Variants in PTPRN2 observed in about 807,000 individuals in gnomAD.
The protein encoded by PTPRN2 is protein tyrosine phosphatase receptor type N2, also known as receptor-type tyrosine-protein phosphatase N2.
Under a neutral mutation model 118.8 loss-of-function variants are expected in PTPRN2, and 74 were observed. That is an observed-to-expected ratio of 0.62 (90% CI 0.52 to 0.76). The LOEUF is 0.76. Ranked by LOEUF, PTPRN2 falls within the 30% of genes least tolerant of loss-of-function variation. The pLI is 0.00. For missense variants in PTPRN2, 1,481 were observed against 1,394.4 expected, an observed-to-expected ratio of 1.06 and a Z score of -0.99; for synonymous variants, 641 against 608.0, an observed-to-expected ratio of 1.05 and a Z score of -0.80.
At chr7:158,154,230 G>A (rs763734760) in intron 6 of PTPRN2, among the ~76,000 whole-genome samples, 4 of 152,148 alleles carry the variant, frequency 2.6e-5, no homozygotes, top group South Asian at 2.1e-4. Context: ...CAGCCAAACC[G>A]GGCTCAAACT....
At chr7:158,337,807 C>CACCT (rs1805982413) in intron 2 of PTPRN2, among the ~76,000 whole-genome samples, 2 of 9,702 alleles carry the variant, frequency 2.1e-4, no homozygotes, top group Non-Finnish European at 4.0e-4. Flanking sequence ...TAAGAGGTGA[C>CACCT]GCCCATAGAC....
At chr7:158,149,220 T>C (rs1160728086) in intron 6 of PTPRN2, among the ~76,000 whole-genome samples, 1 of 151,820 alleles carries the variant, frequency 6.6e-6, no homozygotes, top group East Asian at 1.9e-4. Context: ...TGGGCTGACC[T>C]GCTCTCCAAG....
intron 21 of PTPRN2, among the ~76,000 whole-genome samples, chr7:157,553,239 T>C (rs1256888731): frequency 1.3e-5 from 2 of 152,218 alleles, no homozygotes; most frequent in Non-Finnish European, 1.5e-5. Context: ...TTTCAGTCCC[T>C]GAAACTTCTT....
At chr7:158,232,362 G>C (rs748208346) in intron 3 of PTPRN2, among the ~76,000 whole-genome samples, 1 of 151,796 alleles carries the variant, frequency 6.6e-6, no homozygotes, top group Non-Finnish European at 1.5e-5. Context: ...AGAAGAAATA[G>C]GTACATTCCT....
intron 3 of PTPRN2, among the ~76,000 whole-genome samples, chr7:158,290,396 G>A (rs13225315): frequency 6.6e-6 from 1 of 152,330 alleles, no homozygotes; most frequent in South Asian, 2.1e-4. Context: ...TGGTGCCAGA[G>A]ATGATGTGGA....
intron 17 of PTPRN2, among the ~76,000 whole-genome samples, chr7:157,589,743 T>G (rs144590238): frequency 6.6e-6 from 1 of 152,274 alleles, no homozygotes; most frequent in Non-Finnish European, 1.5e-5. Context: ...TTCTTCAGAT[T>G]TAAATTAGGA....
At chr7:157,633,982 T>C (rs1804131741) in intron 14 of PTPRN2, among the ~76,000 whole-genome samples, 1 of 152,136 alleles carries the variant, frequency 6.6e-6, no homozygotes, top group Non-Finnish European at 1.5e-5. Flanking sequence ...CAGCCCACCA[T>C]GGAAGAGCAG....
At chr7:157,566,916 G>C (rs952238775) in intron 21 of PTPRN2, among the ~76,000 whole-genome samples, 3 of 152,212 alleles carry the variant, frequency 2.0e-5, no homozygotes, top group Non-Finnish European at 4.4e-5. Flanking sequence ...TCCCTGGATG[G>C]GCAGGTTCCA....
rs377540472 is a variant in PTPRN2, at chr7:158,092,084, G to A, written c.1644-10707C>T. On this transcript the variant is annotated intron_variant, in intron 10 of 22. Transcript: ENST00000389418. The stretch of plus-strand genomic sequence containing the variant: ...TAGGTAGAGAGATGGTTGGGTGGGT[G>A]GATGGGTGAGGGATAGGTGATAGAT... Among the ~76,000 whole-genome samples, 305 of 150,560 alleles carry A rather than the reference G, an allele frequency of 2.0e-3. 10 individuals carry two copies. In the South Asian group the frequency reaches 0.063, roughly 31 times the overall value.
chr7:157,564,774 A>C (rs2150501436), intron 21 of PTPRN2, among the ~76,000 whole-genome samples: 1 of 152,384 alleles, frequency 6.6e-6, no homozygotes, highest in South Asian at 2.1e-4. Flanking sequence ...TCAAACAGCC[A>C]AGAGATAAGA....
rs57180167 is a variant in PTPRN2, at chr7:157,963,757, G to A, written c.1724-65020C>T. 7.9e-3 allele frequency among the ~76,000 whole-genome samples: 1,199 copies of A among 152,222 alleles called. 20 individuals are homozygous for A. The highest frequency in any genetic ancestry group is 0.027 in the African/African-American group (1,126 of 41,568). The stretch of plus-strand genomic sequence containing the variant: ...CCTTGGCTTCCTGTCACAGCACCTC[G>A]GTGCTAGTCCACCCGGGAGATGCCA... On this transcript the variant is annotated intron_variant, in intron 11 of 22. Coordinates refer to ENST00000389418, the MANE Select transcript of PTPRN2 (RefSeq NM_002847.5).
chr7:158,391,611 A>G (rs567297340), intron 2 of PTPRN2, among the ~76,000 whole-genome samples: 5 of 152,144 alleles, frequency 3.3e-5, no homozygotes, highest in Admixed American at 1.3e-4. Context: ...TCCCACCAGC[A>G]CCCATGCTGC....
chr7:157,634,021 G>A (rs554099788), intron 14 of PTPRN2, among the ~76,000 whole-genome samples: 7 of 152,252 alleles, frequency 4.6e-5, no homozygotes, highest in Admixed American at 4.6e-4. Flanking sequence ...GGAACAGCGC[G>A]TGGGGAACAG....
chr7:157,681,312 A>G (rs938282847), intron 13 of PTPRN2, among the ~76,000 whole-genome samples: 9 of 152,228 alleles, frequency 5.9e-5, no homozygotes, highest in African/African-American at 2.2e-4. Context: ...CTGGCATCCT[A>G]CATTGAAGGT....
chr7:157,622,430 C>A lies in PTPRN2; in HGVS notation c.2197-921G>T, dbSNP rs1203510787. Among the ~76,000 whole-genome samples the A allele has an allele frequency of 6.6e-6, 1 of 152,194 alleles. No homozygotes were observed. The highest frequency in any genetic ancestry group is 2.4e-5 in the African/African-American group (1 of 41,454). ...AGCCCTTCTCACCTTCTGCCCACCC[C>A]CTGACATCCCCTTCGATTGATCCGA... On this transcript the variant is annotated intron_variant, in intron 14 of 22. Coordinates refer to ENST00000389418, the MANE Select transcript of PTPRN2 (RefSeq NM_002847.5). The surrounding 1 kb of genome is among the most constrained non-coding windows in gnomAD (Gnocchi z 5.3).
intron 12 of PTPRN2, among the ~76,000 whole-genome samples, chr7:157,894,960 A>G (rs1797016454): frequency 6.6e-6 from 1 of 152,164 alleles, no homozygotes; most frequent in African/African-American, 2.4e-5. Context: ...AAACTCTCAC[A>G]TAGAAATTCA....
At chr7:157,544,523 CGAGGGGCCTCCCGTCCAGTGAGGAGGGG>C (rs796262167) in intron 22 of PTPRN2, among the ~76,000 whole-genome samples, 8 of 152,210 alleles carry the variant, frequency 5.3e-5, no homozygotes, top group South Asian at 2.1e-4. Context: ...CGTGGACATG[CGAGGGGCCTCCCGTCCAGTGAGGAGGGG>C]GCGGGGCCTC....
intron 11 of PTPRN2, among the ~76,000 whole-genome samples, chr7:157,922,991 C>T (rs571250763): frequency 6.6e-6 from 1 of 152,354 alleles, no homozygotes; most frequent in South Asian, 2.1e-4. Flanking sequence ...ATCCCTCCTT[C>T]TCCTTAAAGC....
At chr7:157,932,892 G>A (rs34145697) in intron 11 of PTPRN2, among the ~76,000 whole-genome samples, 46,268 of 147,984 alleles carry the variant, frequency 0.31, 7,473 homozygotes, top group Non-Finnish European at 0.38. Flanking sequence ...GAATCACTCC[G>A]ATTGACAGTT....
Sources: gnomAD v4.1 joint callset for allele counts (sites outside exome capture counted in the v4.1 genomes callset) on GRCh38, gnomAD v4.1.1 for gene constraint, Gnocchi (gnomAD v3.1) non-coding constraint, MANE v1.5 for transcripts, NCBI Gene and HGNC (gene_info 2026-07-23, HGNC 2026-07-21) for gene names.